The following MDFI variants were observed in gnomAD, a reference collection of about 807,000 sequenced individuals.
MDFI encodes the protein inhibitor of MyoD family a.
MDFI carries 16 observed loss-of-function variants against 22.3 expected under a neutral mutation model. The observed-to-expected ratio is 0.72, with a 90% CI of 0.49 to 1.09. MDFI has a LOEUF of 1.09. MDFI is among the 50% of genes least tolerant of loss of function. The pLI, the probability that MDFI is intolerant of heterozygous loss-of-function variation, is 0.00. For missense variants in MDFI, 314 were observed against 326.1 expected (o/e 0.96, Z 0.29); for synonymous variants, 145 against 142.7 (o/e 1.02, Z -0.12).
At chr6:41,639,984 G>A in intron 2 of MDFI, 2 of 945,644 alleles carry the variant, frequency 2.1e-6, no homozygotes, top group Non-Finnish European at 1.3e-6. Flanking sequence ...AGTGGAAGAT[G>A]TCTGGCCAAC....
rs914040586 is a variant in MDFI at position 41,639,270 on chromosome 6, CT to C, written c.76+449del. On this transcript the variant is annotated intron_variant, in intron 2 of 4. Coordinates refer to ENST00000230321, the MANE Select transcript of MDFI (RefSeq NM_005586.4). ...ACCAGAGCCCAGCGCTTCCCGAAAA[CT>C]TTTGTCTGCCGCGAGCGGCTGCAGG... 8 of 985,284 alleles carry C rather than the reference CT, an allele frequency of 8.1e-6. No homozygotes were observed. The African/African-American group carries it at 1.2e-4, about 15-fold the overall frequency. 61.0% of individuals were successfully genotyped at this position (985,284 alleles called of 1,614,324 possible).
intron 2 of MDFI, among the ~76,000 whole-genome samples, chr6:41,643,517 A>T (rs1041538871): frequency 8.9e-6 from 1 of 112,844 alleles, no homozygotes; most frequent in Non-Finnish European, 1.9e-5. Flanking sequence ...GTTAAACCAC[A>T]CAGCACAGGA....
rs1767722453 is a variant in MDFI, at chr6:41,638,657, G to C, written c.-12+5G>C. The stretch of plus-strand genomic sequence containing the variant: ...AGCGTAGCACGGCTCGCACGAGTGA[G>C]TGGACGTGGGAGGCGCGCATCTGCG... On this transcript the variant is annotated splice_donor_5th_base_variant and intron_variant, in intron 1 of 4. Transcript: ENST00000230321. This position sits in a 1 kb window ranked among gnomAD's most constrained non-coding sequence, Gnocchi z 7.6. 3 of 1,367,340 alleles carry C rather than the reference G, an allele frequency of 2.2e-6. No homozygotes were observed. The highest frequency in any genetic ancestry group is 3.0e-6 in the Non-Finnish European group (3 of 999,706). The allele number at this position is 1,367,340 out of a possible 1,614,324, so 84.7% of individuals were successfully genotyped here.
intron 3 of MDFI, among the ~76,000 whole-genome samples, chr6:41,646,677 A>G (rs1768064978): frequency 6.6e-6 from 1 of 152,184 alleles, no homozygotes; most frequent in Non-Finnish European, 1.5e-5. Flanking sequence ...AAAAGGAAGA[A>G]GCCCCCAGTT....
chr6:41,639,077 G>GACACACAC (rs145284051), intron 2 of MDFI, among the ~76,000 whole-genome samples: 2 of 146,390 alleles, frequency 1.4e-5, no homozygotes, highest in South Asian at 2.1e-4. Flanking sequence ...CCCGACACCA[G>GACACACAC]ACACACACAC....
intron 2 of MDFI, among the ~76,000 whole-genome samples, chr6:41,639,074 C>G (rs1360716266): frequency 6.8e-6 from 1 of 147,222 alleles, no homozygotes; most frequent in Non-Finnish European, 1.5e-5. Flanking sequence ...ACTCCCGACA[C>G]CAGACACACA....
At chr6:41,651,317 A>T (rs1472572680) in intron 4 of MDFI, among the ~76,000 whole-genome samples, 3 of 149,392 alleles carry the variant, frequency 2.0e-5, no homozygotes, top group African/African-American at 7.5e-5. Flanking sequence ...ACTCATGCAG[A>T]GGATTACGCA....
In MDFI at chr6:41,646,202, G is replaced by C; in HGVS notation, c.153G>C (p.Glu51Asp). 6.3e-7 allele frequency: 1 copy of C among 1,592,854 alleles called. No homozygotes were observed. Among genetic ancestry groups the C allele is most frequent in the Non-Finnish European group, 8.5e-7 (1 of 1,169,894 alleles). Residue 51 changes from glutamate (E) to aspartate (D), a missense_variant, in exon 3 of 5, where the codon GAG (glutamate) becomes GAC (aspartate). By Grantham distance (45) the Glu-to-Asp change is conservative. Transcript: ENST00000230321. ...STHPAEAAPE[E>D]GSLEEAATPM... The stretch of plus-strand genomic sequence containing the variant: ...ACCCTGCGGAGGCAGCACCAGAGGA[G>C]GGCTCCCTGGAGGAGGCGGCAACCC...
chr6:41,650,344 C>G (rs1284107807), intron 4 of MDFI, among the ~76,000 whole-genome samples: 2 of 152,208 alleles, frequency 1.3e-5, no homozygotes, highest in Non-Finnish European at 2.9e-5. Flanking sequence ...ACACAAAGAT[C>G]CTCTGCAGGG....
intron 2 of MDFI, among the ~76,000 whole-genome samples, chr6:41,644,755 A>AC (rs1422630528): frequency 1.4e-5 from 2 of 145,608 alleles, no homozygotes; most frequent in Non-Finnish European, 3.0e-5. Flanking sequence ...CTCTGTGTCA[A>AC]CCCCTCACTA....
chr6:41,652,608 C>CTTTT (rs3050047), intron 4 of MDFI, among the ~76,000 whole-genome samples: 2,185 of 84,302 alleles, frequency 0.026, 119 homozygotes, highest in Non-Finnish European at 0.034. Context: ...CTCTCCCTCT[C>CTTTT]TTTTTTTTTT....
At chr6:41,639,200 G>A in intron 2 of MDFI, 1 of 976,664 alleles carries the variant, frequency 1.0e-6, no homozygotes, top group Non-Finnish European at 1.2e-6. Flanking sequence ...GTGTGGGGGA[G>A]GGGGCGTTGT....
At chr6:41,639,745 C>T in intron 2 of MDFI, 5 of 985,438 alleles carry the variant, frequency 5.1e-6, no homozygotes, top group Non-Finnish European at 6.0e-6. Context: ...GCGCCATTCC[C>T]CCTTTCCCCT....
chr6:41,643,548 G>GGGATGGAAGGAAGGAA, intron 2 of MDFI, among the ~76,000 whole-genome samples: 1 of 75,346 alleles, frequency 1.3e-5, no homozygotes, highest in Non-Finnish European at 2.7e-5. Context: ...GAGGGAAGGA[G>GGGATGGAAGGAAGGAA]GGAAGGAAGG....
chr6:41,651,732 C>T (rs368608065), intron 4 of MDFI, among the ~76,000 whole-genome samples: 32 of 152,144 alleles, frequency 2.1e-4, no homozygotes, highest in African/African-American at 6.3e-4. Flanking sequence ...GCACAGTGAA[C>T]CTCCCAGGGG....
intron 3 of MDFI, among the ~76,000 whole-genome samples, chr6:41,648,548 A>C (rs141646869): frequency 1.3e-5 from 2 of 152,026 alleles, no homozygotes; most frequent in African/African-American, 4.8e-5. Flanking sequence ...TACACAATTC[A>C]CATACACAGA....
In MDFI at chr6:41,649,896, C is replaced by T. The variant is rs1490614423; in HGVS notation, c.484+53C>T. ...GAGAGGCCTCCAAAGCCGGGTTCCT[C>T]GAAGCATGACGCATGGGCCCACTGG... On this transcript the variant is annotated intron_variant, in intron 4 of 4. Transcript: ENST00000230321. 5.3e-6 allele frequency: 8 copies of T among 1,510,740 alleles called. No homozygotes were observed. In the East Asian group the frequency reaches 9.1e-5, roughly 17 times the overall value. The allele number at this position is 1,510,740 out of a possible 1,614,324, so 93.6% of individuals were successfully genotyped here.
intron 2 of MDFI, among the ~76,000 whole-genome samples, chr6:41,641,435 C>G (rs1179747799): frequency 1.3e-5 from 2 of 152,182 alleles, no homozygotes. Flanking sequence ...GTAGGATCTT[C>G]TGGTCAACAG....
chr6:41,653,114 G>A lies in MDFI; in HGVS notation c.485-205G>A, dbSNP rs920903806. 5.3e-5 allele frequency among the ~76,000 whole-genome samples: 8 copies of A among 152,170 alleles called. No individual in the cohort carries two copies. The East Asian group carries it at 5.8e-4, about 11-fold the overall frequency. On this transcript the variant is annotated intron_variant, in intron 4 of 4. Transcript: ENST00000230321. This position sits in a 1 kb window ranked among gnomAD's most constrained non-coding sequence, Gnocchi z 4.2. Reference sequence around the variant, plus strand: ...AGAGCAAGGATGATCCAGACTGCCCGCTCCGATGTGCTTAACTGTCTGTGC... The same window carrying A: ...AGAGCAAGGATGATCCAGACTGCCCACTCCGATGTGCTTAACTGTCTGTGC...
Sources: gnomAD v4.1 joint callset for allele counts (sites outside exome capture counted in the v4.1 genomes callset) on GRCh38, gnomAD v4.1.1 for gene constraint, Gnocchi (gnomAD v3.1) non-coding constraint, MANE v1.5 for transcripts, NCBI Gene and HGNC (gene_info 2026-07-23, HGNC 2026-07-21) for gene names.